The following ERAP1 variants were observed in gnomAD, a reference collection of about 807,000 sequenced individuals.
ERAP1 encodes the protein endoplasmic reticulum aminopeptidase 1, also known as adipocyte-derived leucine aminopeptidase.
A neutral mutation model predicts 103.7 loss-of-function variants in ERAP1; 86 were observed. The observed-to-expected ratio is 0.83, with a 90% CI of 0.70 to 0.99. ERAP1 has a LOEUF of 0.99. ERAP1 is among the 50% of genes least tolerant of loss of function. ERAP1 has a pLI of 0.00. For missense variants in ERAP1, 1,009 were observed against 1,128.4 expected (o/e 0.89, Z 1.52); for synonymous variants, 398 against 402.4 (o/e 0.99, Z 0.13).
intron 17 of ERAP1, among the ~76,000 whole-genome samples, chr5:96,780,776 A>G (rs1057283902): frequency 1.3e-5 from 2 of 152,216 alleles, no homozygotes; most frequent in African/African-American, 2.4e-5. Flanking sequence ...AAATGTGTTC[A>G]TGGAAGGCCT....
At chr5:96,800,342 T>C (rs529143570) in intron 3 of ERAP1, among the ~76,000 whole-genome samples, 83 of 152,340 alleles carry the variant, frequency 5.4e-4, no homozygotes, top group Non-Finnish European at 1.0e-3. Context: ...TATCATGACT[T>C]ACCTTCAGCA....
At chr5:96,909,816 G>A in the ERAP1 span, 1 of 1,558,718 alleles carries the variant, frequency 6.4e-7, no homozygotes, top group African/African-American at 1.4e-5. Flanking sequence ...TGATGTAAAA[G>A]TCTTTGATCA....
At chr5:96,779,282 G>A (rs1774815040) in intron 18 of ERAP1, 1 of 152,222 alleles carries the variant, frequency 6.6e-6, no homozygotes, top group African/African-American at 2.4e-5. Flanking sequence ...ATGAATTAAT[G>A]AGAATACAAG....
At chr5:96,831,252 TTCAC>T in the ERAP1 span, among the ~76,000 whole-genome samples, 1 of 152,044 alleles carries the variant, frequency 6.6e-6, no homozygotes, top group Non-Finnish European at 1.5e-5. Flanking sequence ...GATCTCACAA[TTCAC>T]TCACTCACTA....
the ERAP1 span, among the ~76,000 whole-genome samples, chr5:96,822,748 C>T: frequency 2.6e-5 from 4 of 152,202 alleles, no homozygotes; most frequent in East Asian, 1.9e-4. Flanking sequence ...AAGACATACC[C>T]GAGACTGGGC....
At chr5:96,796,252 A>C (rs1777332680) in intron 4 of ERAP1, among the ~76,000 whole-genome samples, 1 of 152,234 alleles carries the variant, frequency 6.6e-6, no homozygotes, top group East Asian at 1.9e-4. Context: ...CTTCAAACAA[A>C]GCATCCCTTC....
At chr5:96,804,038 A>C in intron 1 of ERAP1, 95 bp from the exon 2 acceptor site, 1 of 1,385,660 alleles carries the variant, frequency 7.2e-7, no homozygotes, top group Non-Finnish European at 1.0e-6. Flanking sequence ...CATTCACAGA[A>C]ATAGGCATAA....
At chr5:96,901,713 C>A in the ERAP1 span, 1 of 1,599,544 alleles carries the variant, frequency 6.3e-7, no homozygotes, top group Non-Finnish European at 8.5e-7. Flanking sequence ...GTCTAGCTTA[C>A]CTCATCTCAG....
At chr5:96,770,405 C>T (rs774429419), downstream of ERAP1, 114 of 625,276 alleles carry the variant, frequency 1.8e-4, 1 homozygote, top group Non-Finnish European at 2.5e-4. Context: ...AAAAAACACC[C>T]AAAGTCTTCC....
chr5:96,814,296 C>G, the ERAP1 span: 17 of 456,130 alleles, frequency 3.7e-5, no homozygotes, highest in Non-Finnish European at 6.2e-5. Context: ...AAGCAAGTCA[C>G]AGGTTTCTCT....
the ERAP1 span, among the ~76,000 whole-genome samples, chr5:96,925,021 A>G: frequency 6.6e-6 from 1 of 152,182 alleles, no homozygotes; most frequent in Non-Finnish European, 1.5e-5. Flanking sequence ...GGTAGGCCCC[A>G]TCCAACCTAG....
chr5:96,778,914 CG>C (rs1296795160), intron 18 of ERAP1, among the ~76,000 whole-genome samples: 2 of 152,094 alleles, frequency 1.3e-5, no homozygotes, highest in Non-Finnish European at 2.9e-5. Flanking sequence ...TTTATATGTC[CG>C]TAGTTTGCTC....
intron 19 of ERAP1, among the ~76,000 whole-genome samples, chr5:96,764,605 G>T (rs1338236989): frequency 6.6e-6 from 1 of 152,082 alleles, no homozygotes; most frequent in Non-Finnish European, 1.5e-5. Context: ...TTGTCTCTGG[G>T]GTTTTGTGCT....
At chr5:96,921,574 T>C in the ERAP1 span, among the ~76,000 whole-genome samples, 1 of 152,240 alleles carries the variant, frequency 6.6e-6, no homozygotes, top group Non-Finnish European at 1.5e-5. Flanking sequence ...TTCTTACTCG[T>C]TTCTACAATC....
chr5:96,797,229 G>C lies in ERAP1; in HGVS notation c.744C>G (p.Ala248=), dbSNP rs1777443239. ...VTVKMSTYLV[A]FIISDFESVS... is the part of the protein sequence containing the mutation. ...CAGACTCAAAATCTGAAATGATGAAGGCCACCAGATAGGTGCTCATCTTCA... is the reference window on the plus strand; with the variant it reads ...CAGACTCAAAATCTGAAATGATGAACGCCACCAGATAGGTGCTCATCTTCA... The change falls in exon 4 of 19, where the codon GCC becomes GCG. Residue 248 remains alanine, a synonymous_variant. Transcript: ENST00000443439. The C allele has an allele frequency of 6.2e-7, 1 of 1,614,132 alleles. No individual in the cohort carries two copies.
the ERAP1 span, among the ~76,000 whole-genome samples, chr5:96,841,256 G>A: frequency 3.9e-5 from 6 of 152,246 alleles, no homozygotes; most frequent in South Asian, 6.2e-4. Context: ...TCCCTTCCCC[G>A]AGGACACCAC....
At chr5:96,789,636 C>T (rs1776499754) in intron 10 of ERAP1, among the ~76,000 whole-genome samples, 1 of 152,198 alleles carries the variant, frequency 6.6e-6, no homozygotes, top group African/African-American at 2.4e-5. Context: ...TCTCCAGACT[C>T]ACCCTCAGCT....
the ERAP1 span, among the ~76,000 whole-genome samples, chr5:96,886,081 T>C: frequency 6.6e-6 from 1 of 152,220 alleles, no homozygotes; most frequent in Admixed American, 6.5e-5. Context: ...CACATCCACA[T>C]CTTGGTCCTA....
intron 1 of ERAP1, among the ~76,000 whole-genome samples, chr5:96,807,542 G>T (rs1039894584): frequency 6.6e-5 from 10 of 152,158 alleles, no homozygotes; most frequent in African/African-American, 1.9e-4. Flanking sequence ...TGAAGCAGGC[G>T]CACCGGCCAC....
Sources: gnomAD v4.1 joint callset for allele counts (sites outside exome capture counted in the v4.1 genomes callset) on GRCh38, gnomAD v4.1.1 for gene constraint, MANE v1.5 for transcripts, NCBI Gene and HGNC (gene_info 2026-07-23, HGNC 2026-07-21) for gene names.